Variants in REEP5 observed in about 807,000 individuals in gnomAD.
REEP5 encodes receptor expression-enhancing protein 5.
A neutral mutation model predicts 22.4 loss-of-function variants in REEP5; 24 were observed. That is an observed-to-expected ratio of 1.07 (90% confidence interval 0.78 to 1.51). REEP5 has a LOEUF of 1.51. Ranked by LOEUF, REEP5 falls within the 40% of genes most tolerant of loss-of-function variation. The pLI, the probability that REEP5 is intolerant of heterozygous loss-of-function variation, is 0.00. For synonymous variants in REEP5, 103 were observed against 88.6 expected (o/e 1.16, Z -0.92); for missense variants, 252 against 233.0 (o/e 1.08, Z -0.53).
chr5:112,898,286 T>C (rs1316661474), intron 3 of REEP5: 1 of 152,222 alleles, frequency 6.6e-6, no homozygotes, highest in East Asian at 1.9e-4. Flanking sequence ...GAAAGTATTT[T>C]GATTGACAGC....
chr5:112,921,076 G>A, intron 2 of REEP5, 87 bp downstream of exon 2: 1 of 1,300,460 alleles, frequency 7.7e-7, no homozygotes, highest in South Asian at 1.3e-5. Flanking sequence ...TTTTCTCCCG[G>A]GAATTGCGGA....
intron 2 of REEP5, 130 bp downstream of exon 2, chr5:112,921,033 G>T: frequency 1.2e-6 from 1 of 840,036 alleles, no homozygotes. Flanking sequence ...CACCCCTTAT[G>T]TCCAACCTCA....
At chr5:112,906,156 G>A (rs955411061) in intron 2 of REEP5, among the ~76,000 whole-genome samples, 2 of 152,220 alleles carry the variant, frequency 1.3e-5, no homozygotes, top group African/African-American at 4.8e-5. Flanking sequence ...GAATGGAGGG[G>A]TAGAAACCTA....
At chr5:112,902,585 T>G in intron 2 of REEP5, 67 bp from the exon 3 acceptor site, 1 of 1,422,624 alleles carries the variant, frequency 7.0e-7, no homozygotes, top group Non-Finnish European at 9.5e-7. Flanking sequence ...TCAAATACAC[T>G]TTCATAACCT....
At chr5:112,914,028 G>C (rs1421168423) in intron 2 of REEP5, among the ~76,000 whole-genome samples, 2 of 151,436 alleles carry the variant, frequency 1.3e-5, no homozygotes, top group Non-Finnish European at 2.9e-5. Flanking sequence ...TGTAGTCCCA[G>C]CTACTCCAGA....
At chr5:112,894,131 T>TTG (rs1431659470) in intron 3 of REEP5, 5 of 151,352 alleles carry the variant, frequency 3.3e-5, no homozygotes, top group East Asian at 1.9e-4. Flanking sequence ...TTTGTTTTTT[T>TTG]TTTTTTTTTG....
chr5:112,904,385 TTTAA>T (rs34536739), intron 2 of REEP5, among the ~76,000 whole-genome samples: 4,965 of 152,316 alleles, frequency 0.033, 267 homozygotes, highest in African/African-American at 0.11. Context: ...ATTGGATTTA[TTTAA>T]TTATTAGTAT....
At chr5:112,910,081 T>C (rs1662409529) in intron 2 of REEP5, among the ~76,000 whole-genome samples, 1 of 152,176 alleles carries the variant, frequency 6.6e-6, no homozygotes, top group African/African-American at 2.4e-5. Flanking sequence ...GGAGGGTGGA[T>C]CACTTGAGGT....
chr5:112,876,913 ACCT>A lies in REEP5; in HGVS notation c.*1870_*1872del, dbSNP rs761433890. The A allele has an allele frequency of 4.6e-5, 7 of 152,120 alleles. No individual in the cohort carries two copies. The highest frequency in any genetic ancestry group is 7.4e-5 in the Non-Finnish European group (5 of 68,014). The allele number at this position is 152,120 out of a possible 1,614,324, so 9.4% of individuals were successfully genotyped here. On this transcript the variant is annotated 3_prime_UTR_variant, in exon 5 of 5. Transcript: ENST00000379638. ...CATTATGAGCAATAGTAACTTTTGTACCTCCTCATCTTGTCTGATAATATATTC... is the reference window on the plus strand; with the variant it reads ...CATTATGAGCAATAGTAACTTTTGTACCTCATCTTGTCTGATAATATATTC...
At chr5:112,896,597 T>G (rs559918837) in intron 3 of REEP5, 1 of 152,168 alleles carries the variant, frequency 6.6e-6, no homozygotes, top group Non-Finnish European at 1.5e-5. Flanking sequence ...AGGTGACAAT[T>G]CAGGTCAGGA....
At chr5:112,898,222 GC>G (rs1252247248) in intron 3 of REEP5, 1 of 152,192 alleles carries the variant, frequency 6.6e-6, no homozygotes, top group African/African-American at 2.4e-5. Flanking sequence ...CAATTCAGAG[GC>G]CTCTTCTCAG....
Position 112,902,495 on chromosome 5 carries a change from T to A in REEP5, c.236A>T (p.Asn79Ile), listed in dbSNP as rs749829386. ...YISIKAIESP[N>I]KEDDTQWLTY... ...CAGCCACTGGGTATCATCTTCTTTG[T>A]TGGGACTCTCTATAGCTTTAATTCT... Residue 79 changes from asparagine to isoleucine, a missense_variant, in exon 3 of 5, where the codon AAC (asparagine) becomes ATC (isoleucine). Asn to Ile is a moderately radical substitution (Grantham distance 149, BLOSUM62 -3). Coordinates refer to ENST00000379638, the MANE Select transcript of REEP5 (RefSeq NM_005669.5). The A allele has an allele frequency of 1.9e-6, 3 of 1,608,568 alleles. No individual in the cohort carries two copies. The highest frequency in any genetic ancestry group is 2.5e-6 in the Non-Finnish European group (3 of 1,178,290).
At chr5:112,891,839 A>G in intron 3 of REEP5, 1 of 1,559,646 alleles carries the variant, frequency 6.4e-7, no homozygotes, top group Non-Finnish European at 8.8e-7. Flanking sequence ...GAAGAAGAGA[A>G]GCTATTGGAA....
intron 4 of REEP5, among the ~76,000 whole-genome samples, chr5:112,879,764 CCA>C (rs1768013929): frequency 6.6e-6 from 1 of 152,048 alleles, no homozygotes; most frequent in Admixed American, 6.5e-5. Flanking sequence ...ACGTAAGCCA[CCA>C]TGCCCGGCCT....
intron 2 of REEP5, among the ~76,000 whole-genome samples, chr5:112,914,140 T>C (rs1769180697): frequency 6.6e-6 from 1 of 151,004 alleles, no homozygotes; most frequent in Admixed American, 6.6e-5. Flanking sequence ...AGACCCTGTC[T>C]CAAAAAAAAC....
rs1768278957 is a variant in REEP5 at position 112,887,148 on chromosome 5, A to G, written c.387T>C (p.Pro129=). 1.9e-6 allele frequency: 3 copies of G among 1,611,310 alleles called. No individual in the cohort carries two copies. The highest frequency in any genetic ancestry group is 1.7e-5 in the Admixed American group (1 of 59,990). The change falls in exon 4 of 5, where the codon CCT becomes CCC. Residue 129 remains proline (P), a synonymous_variant. Transcript: ENST00000379638. ...GFLLWCMAPS[P]SNGAELLYKR... Reference sequence around the variant, plus strand: ...TGTAGAGCAGTTCAGCCCCATTAGAAGGGCTCGGGGCCATGCACCACAACA... The same window carrying G: ...TGTAGAGCAGTTCAGCCCCATTAGAGGGGCTCGGGGCCATGCACCACAACA...
Position 112,921,165 on chromosome 5 carries a change from G to T in REEP5, c.210C>A (p.Ile70=). Residue 70 remains isoleucine, a splice_region_variant and synonymous_variant, in exon 2 of 5, where the codon ATC becomes ATA. Transcript: ENST00000379638. ...CGGCTGCAGGGTGTGTCACTTACGA[G>T]ATGTAGGCTGGGTAGCCAAATCCTA... ...NLIGFGYPAY[I]SIKAIESPNK... The T allele has an allele frequency of 6.2e-7, 1 of 1,614,084 alleles. No individual in the cohort carries two copies. Among genetic ancestry groups the T allele is most frequent in the South Asian group, 1.1e-5 (1 of 91,058 alleles).
rs1305047637 is a variant in REEP5, at chr5:112,876,637, T to C, written c.*2149A>G. 1 of 152,230 alleles carries C rather than the reference T, an allele frequency of 6.6e-6. No individual in the cohort carries two copies. Among genetic ancestry groups the C allele is most frequent in the Non-Finnish European group, 1.5e-5 (1 of 68,042 alleles). 9.4% of individuals were successfully genotyped at this position (152,230 alleles called of 1,614,324 possible). A position where few individuals can be genotyped will look rare whatever the true frequency, so the allele number is the denominator to read the frequency against. On this transcript the variant is annotated 3_prime_UTR_variant, in exon 5 of 5. Transcript: ENST00000379638. ...CTGTAACTACATACCTTTGAAACAC[T>C]ATTCACATTCAAATAAACGCTTGTT...
At chr5:112,897,637 T>A (rs74817790) in intron 3 of REEP5, 1 of 152,234 alleles carries the variant, frequency 6.6e-6, no homozygotes, top group South Asian at 2.1e-4. Flanking sequence ...ATACATCATA[T>A]ATTATCTTCT....
Sources: gnomAD v4.1 joint callset for allele counts (sites outside exome capture counted in the v4.1 genomes callset) on GRCh38, gnomAD v4.1.1 for gene constraint, MANE v1.5 for transcripts, NCBI Gene and HGNC (gene_info 2026-07-23, HGNC 2026-07-21) for gene names.